ABCC9: variants seen among roughly 807,000 people sequenced by gnomAD.
ABCC9 encodes ATP-binding cassette sub-family C member 9.
Under a neutral mutation model 188.3 loss-of-function variants are expected in ABCC9, and 95 were observed. That is an observed-to-expected ratio of 0.50 (90% CI 0.43 to 0.60). The LOEUF (loss-of-function observed/expected upper bound fraction) is 0.60, where lower values mean the gene tolerates loss of function less well. Ranked by LOEUF, ABCC9 falls within the 20% of genes least tolerant of loss-of-function variation. The probability of loss-of-function intolerance (pLI) is 0.00; values close to 1 mark genes in which losing one functional copy is unlikely to be tolerated. For synonymous variants in ABCC9, 659 were observed against 652.7 expected, an observed-to-expected ratio of 1.01 and a Z score of -0.15; for missense variants, 1,102 against 1,876.3, an observed-to-expected ratio of 0.59 and a Z score of 7.62.
intron 11 of ABCC9, among the ~76,000 whole-genome samples, chr12:21,906,603 G>C (rs759575421): frequency 4.3e-4 from 66 of 152,104 alleles, no homozygotes; most frequent in Non-Finnish European, 8.2e-4. Context: ...AGATAATATA[G>C]ACATAAATTT....
intron 15 of ABCC9, among the ~76,000 whole-genome samples, chr12:21,887,042 C>T (rs571815130): frequency 3.3e-5 from 5 of 152,188 alleles, no homozygotes; most frequent in Admixed American, 1.3e-4. Context: ...TCAATTCCTG[C>T]CTCAAGAAAG....
At chr12:21,823,067 G>A (rs1328514231) in intron 31 of ABCC9, among the ~76,000 whole-genome samples, 1 of 152,176 alleles carries the variant, frequency 6.6e-6, no homozygotes, top group Non-Finnish European at 1.5e-5. Flanking sequence ...TCTACTCAGT[G>A]AAAACCACCT....
chr12:21,901,741 C>T (rs1947762366), intron 12 of ABCC9, among the ~76,000 whole-genome samples: 1 of 152,170 alleles, frequency 6.6e-6, no homozygotes, highest in South Asian at 2.1e-4. Context: ...ATCAACTCAA[C>T]AAGAAGAGCT....
At chr12:21,821,215 AC>A (rs1943017681) in intron 31 of ABCC9, among the ~76,000 whole-genome samples, 1 of 152,180 alleles carries the variant, frequency 6.6e-6, no homozygotes, top group African/African-American at 2.4e-5. Flanking sequence ...TAAAGATACT[AC>A]AAGCATACAT....
chr12:21,851,356 G>A lies in ABCC9; in HGVS notation c.2769+741C>T, dbSNP rs188209221. Among the ~76,000 whole-genome samples, 435 of 152,218 alleles carry A rather than the reference G, an allele frequency of 2.9e-3. 3 individuals are homozygous for A. The highest frequency in any genetic ancestry group is 0.01 in the African/African-American group (419 of 41,540). ...CTTACATCACCCATAACATTATAGTGTAATTACACCGGATATGCACTTGTG... is the reference window on the plus strand; with the variant it reads ...CTTACATCACCCATAACATTATAGTATAATTACACCGGATATGCACTTGTG... On this transcript the variant is annotated intron_variant, in intron 24 of 39. Transcript: ENST00000261200.
intron 34 of ABCC9, among the ~76,000 whole-genome samples, chr12:21,815,087 G>GT (rs1942514160): frequency 6.6e-6 from 1 of 152,120 alleles, no homozygotes; most frequent in Admixed American, 6.5e-5. Flanking sequence ...GAAGGCTCAA[G>GT]TGGGAGGATG....
chr12:21,911,628 T>C (rs1333413363), intron 8 of ABCC9, among the ~76,000 whole-genome samples: 1 of 151,980 alleles, frequency 6.6e-6, no homozygotes, highest in Non-Finnish European at 1.5e-5. Context: ...GAAGGAAAGA[T>C]AACATTTGAC....
intron 12 of ABCC9, among the ~76,000 whole-genome samples, chr12:21,898,349 GA>G (rs2137771699): frequency 1.3e-5 from 2 of 152,214 alleles, no homozygotes; most frequent in South Asian, 4.2e-4. Flanking sequence ...TCAGTCCCCT[GA>G]AGAGAAGGAT....
At chr12:21,888,461 G>A (rs1946989244) in intron 14 of ABCC9, among the ~76,000 whole-genome samples, 1 of 152,040 alleles carries the variant, frequency 6.6e-6, no homozygotes, top group South Asian at 2.1e-4. Context: ...CACATTTTCT[G>A]AACCTGGCAA....
At chr12:21,933,602 T>A (rs528777534) in intron 4 of ABCC9, among the ~76,000 whole-genome samples, 180 bp downstream of exon 4, 1 of 152,238 alleles carries the variant, frequency 6.6e-6, no homozygotes, top group South Asian at 2.1e-4. Flanking sequence ...TTTCCATTTA[T>A]ACCTATTTTT....
At position 21,807,220 on chromosome 12, in the gene ABCC9, A is replaced by T. The variant is rs938092067; in HGVS notation, c.4449+126T>A. The stretch of plus-strand genomic sequence containing the variant: ...GTGCTATCATCAGTTCATCCAGTAG[A>T]TGATTGAGCAGATTCTCAAAACAAT... On this transcript the variant is annotated intron_variant, in intron 38 of 39. Transcript: ENST00000261200. 89 of 1,289,160 alleles carry T rather than the reference A, an allele frequency of 6.9e-5. No homozygotes were observed. In the South Asian group the frequency reaches 9.9e-4, roughly 14 times the overall value. The allele number at this position is 1,289,160 out of a possible 1,614,324, so 79.9% of individuals were successfully genotyped here. A position where few individuals can be genotyped will look rare whatever the true frequency, so the allele number is the denominator to read the frequency against.
chr12:21,878,953 G>A (rs4148667), intron 16 of ABCC9, among the ~76,000 whole-genome samples: 92,833 of 151,980 alleles, frequency 0.61, 32,233 homozygotes, highest in Non-Finnish European at 0.77. Flanking sequence ...AACTTGGAAA[G>A]TCAGCTAATA....
intron 4 of ABCC9, among the ~76,000 whole-genome samples, chr12:21,929,692 G>A (rs1195354669): frequency 3.3e-5 from 5 of 152,128 alleles, no homozygotes; most frequent in African/African-American, 1.2e-4. Context: ...GCAGTTTCCA[G>A]AATAAGATGG....
At chr12:21,824,746 T>G (rs775102561) in intron 31 of ABCC9, among the ~76,000 whole-genome samples, 3 of 152,116 alleles carry the variant, frequency 2.0e-5, no homozygotes, top group Non-Finnish European at 4.4e-5. Context: ...AGAAATTTAT[T>G]CATTTCTTCT....
At chr12:21,855,519 G>A (rs2137464642) in intron 22 of ABCC9, among the ~76,000 whole-genome samples, 1 of 152,286 alleles carries the variant, frequency 6.6e-6, no homozygotes, top group South Asian at 2.1e-4. Flanking sequence ...ACCGCACCCA[G>A]CCTAAATTCT....
rs1380450154 is a variant in ABCC9, at chr12:21,817,199, C to T, written c.3880G>A (p.Glu1294Lys). Reference sequence around the variant, plus strand: ...TTTAGAGCAATACCCATTGTGCCTTCATAGTTCTCTGACTCCATAGTCAGG... The same window carrying T: ...TTTAGAGCAATACCCATTGTGCCTTTATAGTTCTCTGACTCCATAGTCAGG... ...SFLTMESENY[E>K]GTMDPSQVPE... The change falls in exon 33 of 40, where the codon GAA (glutamate) becomes AAA (lysine). Residue 1294 changes from glutamate to lysine, a missense_variant. Physicochemically the swap from Glu to Lys is moderately conservative, Grantham distance 56 (BLOSUM62 1). Around this residue, in one of 12 missense-constraint regions of ABCC9, gnomAD observed 143 missense variants for 225.6 expected, o/e 0.63. Transcript: ENST00000261200. The T allele has an allele frequency of 6.2e-7, 1 of 1,613,574 alleles. No individual in the cohort carries two copies. Among genetic ancestry groups the T allele is most frequent in the South Asian group, 1.1e-5 (1 of 91,082 alleles).
intron 12 of ABCC9, among the ~76,000 whole-genome samples, chr12:21,899,511 G>C (rs1351977659): frequency 6.6e-6 from 1 of 152,140 alleles, no homozygotes. Context: ...GCAGGGCGAG[G>C]CATCGCCTCA....
intron 15 of ABCC9, among the ~76,000 whole-genome samples, chr12:21,884,484 G>T (rs1444234666): frequency 2.0e-5 from 3 of 152,180 alleles, no homozygotes; most frequent in Non-Finnish European, 4.4e-5. Context: ...TGTGAAAGTT[G>T]TTGGTTTTGG....
At chr12:21,864,165 A>T (rs1945666453) in intron 19 of ABCC9, among the ~76,000 whole-genome samples, 4 of 152,228 alleles carry the variant, frequency 2.6e-5, no homozygotes, top group Admixed American at 2.6e-4. Context: ...TGAAATCCCA[A>T]ACCCAGTTTA....
Sources: allele counts gnomAD v4.1 joint callset (sites outside exome capture counted in the v4.1 genomes callset), GRCh38; gene constraint gnomAD v4.1.1; regional missense constraint gnomAD v4.1.1; transcripts MANE v1.5; gene names NCBI Gene and HGNC (gene_info 2026-07-23, HGNC 2026-07-21).